FSTL5: variants seen among roughly 807,000 people sequenced by gnomAD.
FSTL5 encodes follistatin like 5, also known as follistatin-related protein 5.
FSTL5 carries 62 observed loss-of-function variants against 89.1 expected under a neutral mutation model. That is an observed-to-expected ratio of 0.70 (90% CI 0.57 to 0.86). The LOEUF is 0.86. Among genes scored for constraint, FSTL5 ranks in the 40% least tolerant of loss-of-function variants. The pLI is 0.00. For missense variants in FSTL5, 1,057 were observed against 1,001.6 expected, an observed-to-expected ratio of 1.06 and a Z score of -0.75; for synonymous variants, 383 against 346.2, an observed-to-expected ratio of 1.11 and a Z score of -1.18.
At chr4:161,754,563 A>G (rs962170939) in intron 6 of FSTL5, among the ~76,000 whole-genome samples, 9 of 152,258 alleles carry the variant, frequency 5.9e-5, no homozygotes, top group African/African-American at 2.2e-4. Context: ...TAACTCAGGA[A>G]ATGAAGTACA....
chr4:161,635,353 A>T (rs1735650401), intron 7 of FSTL5, among the ~76,000 whole-genome samples: 2 of 152,168 alleles, frequency 1.3e-5, no homozygotes, highest in African/African-American at 4.8e-5. Context: ...GCATCACTGT[A>T]CTCCAGCCTG....
chr4:161,509,620 A>C (rs533311091), intron 11 of FSTL5, among the ~76,000 whole-genome samples: 3 of 152,310 alleles, frequency 2.0e-5, no homozygotes, highest in East Asian at 3.9e-4. Context: ...GGGTTCCTAC[A>C]GGAAGCTATA....
At chr4:162,004,066 C>A (rs906392298) in intron 3 of FSTL5, among the ~76,000 whole-genome samples, 1 of 152,068 alleles carries the variant, frequency 6.6e-6, no homozygotes, top group East Asian at 1.9e-4. Flanking sequence ...GGTTAAGCAA[C>A]CTCTCCATAT....
intron 1 of FSTL5, among the ~76,000 whole-genome samples, chr4:162,133,114 T>C (rs1274492014): frequency 6.6e-6 from 1 of 152,136 alleles, no homozygotes; most frequent in African/African-American, 2.4e-5. Flanking sequence ...GCCTGGCTAA[T>C]ATTTTTGTAT....
intron 4 of FSTL5, among the ~76,000 whole-genome samples, chr4:161,904,628 C>CA (rs1733468774): frequency 9.2e-6 from 1 of 108,426 alleles, no homozygotes; most frequent in South Asian, 2.9e-4. Context: ...TTTTAGAAAA[C>CA]AAAAACAGAA....
At chr4:161,414,059 A>G (rs1255521496) in intron 15 of FSTL5, among the ~76,000 whole-genome samples, 1 of 152,184 alleles carries the variant, frequency 6.6e-6, no homozygotes, top group African/African-American at 2.4e-5. Flanking sequence ...TGCCCCTTGT[A>G]TCTAAAATAA....
chr4:161,617,768 T>C (rs1194257048), intron 7 of FSTL5, among the ~76,000 whole-genome samples: 1 of 152,214 alleles, frequency 6.6e-6, no homozygotes, highest in Non-Finnish European at 1.5e-5. Context: ...ACTGTGATTA[T>C]AGAATTATAT....
intron 7 of FSTL5, among the ~76,000 whole-genome samples, chr4:161,613,053 G>A (rs974339538): frequency 2.6e-5 from 4 of 152,052 alleles, no homozygotes; most frequent in Non-Finnish European, 4.4e-5. Context: ...CTCAGAGGGT[G>A]GCTAATATGT....
intron 15 of FSTL5, among the ~76,000 whole-genome samples, chr4:161,400,858 G>A (rs1297538431): frequency 6.6e-6 from 1 of 152,058 alleles, no homozygotes; most frequent in Non-Finnish European, 1.5e-5. Context: ...AGGACATTAT[G>A]TTATTATGTT....
chr4:161,964,003 A>T (rs1377239368), intron 3 of FSTL5, among the ~76,000 whole-genome samples: 1 of 151,998 alleles, frequency 6.6e-6, no homozygotes, highest in Non-Finnish European at 1.5e-5. Context: ...ATTTCAGATA[A>T]TATAATAAAA....
intron 15 of FSTL5, among the ~76,000 whole-genome samples, chr4:161,433,589 G>T (rs112319256): frequency 7.5e-4 from 114 of 152,120 alleles, no homozygotes; most frequent in African/African-American, 2.0e-3. Context: ...GAAATAAAGG[G>T]CATTCAAATT....
chr4:161,700,014 A>G (rs1183575465), intron 6 of FSTL5, among the ~76,000 whole-genome samples: 1 of 152,200 alleles, frequency 6.6e-6, no homozygotes, highest in East Asian at 1.9e-4. Flanking sequence ...CAGCAGAGTC[A>G]TTATCTTTAT....
chr4:162,066,752 G>A (rs558358430), intron 2 of FSTL5, among the ~76,000 whole-genome samples: 1 of 152,044 alleles, frequency 6.6e-6, no homozygotes, highest in Admixed American at 6.6e-5. Context: ...TCCCTGCAAA[G>A]GACATGAACT....
intron 7 of FSTL5, among the ~76,000 whole-genome samples, chr4:161,655,548 G>T (rs1413355445): frequency 6.6e-6 from 1 of 152,122 alleles, no homozygotes; most frequent in Non-Finnish European, 1.5e-5. Flanking sequence ...AAGTAACCAT[G>T]TGAAGTATTA....
intron 4 of FSTL5, among the ~76,000 whole-genome samples, chr4:161,807,243 A>T (rs897412632): frequency 6.6e-6 from 1 of 151,912 alleles, no homozygotes; most frequent in African/African-American, 2.4e-5. Context: ...ATATTTGTAG[A>T]GATGCAGAGA....
At chr4:161,717,028 G>T (rs907396638) in intron 6 of FSTL5, among the ~76,000 whole-genome samples, 6 of 152,070 alleles carry the variant, frequency 3.9e-5, no homozygotes, top group African/African-American at 1.4e-4. Context: ...AAATATTGTT[G>T]GTTTTTATCT....
rs77496757 is a variant in FSTL5 at position 161,428,544 on chromosome 4, T to A, written c.1841+26460A>T. ...TGGATACCAGCTCAGCCAGAGTAGGTTAGGGCAATTGGCAGAGCTCTCAGG... is the reference window on the plus strand; with the variant it reads ...TGGATACCAGCTCAGCCAGAGTAGGATAGGGCAATTGGCAGAGCTCTCAGG... On this transcript the variant is annotated intron_variant, in intron 15 of 15. Coordinates refer to ENST00000306100, the MANE Select transcript of FSTL5 (RefSeq NM_020116.5). Among the ~76,000 whole-genome samples, 523 of 152,218 alleles carry A rather than the reference T, an allele frequency of 3.4e-3. 13 individuals are homozygous for A. The East Asian group carries it at 0.054, about 16-fold the overall frequency.
Position 161,977,420 on chromosome 4 carries a change from G to A in FSTL5, c.160+56205C>T, listed in dbSNP as rs146613404. On this transcript the variant is annotated intron_variant, in intron 3 of 15. Coordinates refer to ENST00000306100, the MANE Select transcript of FSTL5 (RefSeq NM_020116.5). The stretch of plus-strand genomic sequence containing the variant: ...GAGGTTAGCAGATCGAGACCATCCT[G>A]CCTAACACGATGAAACCCCGTCTCT... 7.6e-3 allele frequency among the ~76,000 whole-genome samples: 1,156 copies of A among 151,662 alleles called. 24 individuals carry two copies. Among genetic ancestry groups the A allele is most frequent in the African/African-American group, 0.026 (1,088 of 41,344 alleles).
intron 15 of FSTL5, among the ~76,000 whole-genome samples, chr4:161,405,360 AAG>A (rs1032464001): frequency 7.9e-5 from 12 of 152,174 alleles, no homozygotes; most frequent in African/African-American, 2.2e-4. Context: ...AAAATTAACA[AAG>A]AATTATAAAT....
Sources: allele counts gnomAD v4.1 joint callset (sites outside exome capture counted in the v4.1 genomes callset), GRCh38; gene constraint gnomAD v4.1.1; transcripts MANE v1.5; gene names NCBI Gene and HGNC (gene_info 2026-07-23, HGNC 2026-07-21).